Variants in CMIP observed in about 807,000 individuals in gnomAD.
CMIP encodes c-Maf inducing protein, also known as C-Maf-inducing protein.
Under a neutral mutation model 97.3 loss-of-function variants are expected in CMIP, and 13 were observed. That is an observed-to-expected ratio of 0.13 (90% CI 0.09 to 0.21). CMIP has a LOEUF of 0.21. Ranked by LOEUF, CMIP falls within the 10% of genes least tolerant of loss-of-function variation. CMIP has a pLI of 1.00. For missense variants in CMIP, 847 were observed against 1,024.9 expected (o/e 0.83, Z 2.37); for synonymous variants, 538 against 436.3 (o/e 1.23, Z -2.91).
At chr16:81,496,814 T>C (rs2089499532) in intron 1 of CMIP, among the ~76,000 whole-genome samples, 1 of 152,110 alleles carries the variant, frequency 6.6e-6, no homozygotes, top group Non-Finnish European at 1.5e-5. Flanking sequence ...ATGAGCAGAG[T>C]CTTACATTCT....
At chr16:81,509,883 T>C (rs749548204) in intron 1 of CMIP, among the ~76,000 whole-genome samples, 1 of 152,062 alleles carries the variant, frequency 6.6e-6, no homozygotes, top group Non-Finnish European at 1.5e-5. Context: ...CATGGAAGTG[T>C]GATGGATCTG....
chr16:81,647,174 T>C (rs536562990), intron 3 of CMIP, among the ~76,000 whole-genome samples: 78 of 152,328 alleles, frequency 5.1e-4, no homozygotes, highest in African/African-American at 1.9e-3. Context: ...CGTATCTCTT[T>C]ATGGTTTTAG....
intron 1 of CMIP, among the ~76,000 whole-genome samples, chr16:81,510,212 G>A (rs975727726): frequency 2.0e-5 from 3 of 152,146 alleles, no homozygotes; most frequent in Non-Finnish European, 4.4e-5. Flanking sequence ...TCTGATCGGG[G>A]ACGAGGGGGT....
chr16:81,460,924 G>A (rs1906861260), intron 1 of CMIP, among the ~76,000 whole-genome samples: 1 of 152,212 alleles, frequency 6.6e-6, no homozygotes, highest in Admixed American at 6.5e-5. Context: ...CCTGTTGTAT[G>A]TGATCGTTAT....
At chr16:81,560,344 C>T (rs13334258) in intron 1 of CMIP, among the ~76,000 whole-genome samples, 1 of 150,772 alleles carries the variant, frequency 6.6e-6, no homozygotes, top group Non-Finnish European at 1.5e-5. Context: ...TCAGCCTCCC[C>T]AGTAGCTGGG....
At chr16:81,496,957 G>A (rs1389219298) in intron 1 of CMIP, among the ~76,000 whole-genome samples, 3 of 152,260 alleles carry the variant, frequency 2.0e-5, no homozygotes, top group Non-Finnish European at 2.9e-5. Context: ...CTGGCTGGCT[G>A]GGGGGTTCAA....
chr16:81,601,746 C>T (rs912456565), intron 1 of CMIP, among the ~76,000 whole-genome samples: 4 of 152,238 alleles, frequency 2.6e-5, no homozygotes, highest in East Asian at 3.9e-4. Flanking sequence ...CAGCGTCCCC[C>T]GGGGCCAGAA....
At chr16:81,574,998 G>A (rs1567588578) in intron 1 of CMIP, among the ~76,000 whole-genome samples, 2 of 152,184 alleles carry the variant, frequency 1.3e-5, no homozygotes, top group Admixed American at 1.3e-4. Context: ...CCTGTAATGG[G>A]GATGGATACT....
chr16:81,524,463 G>A (rs2090089202), intron 1 of CMIP, among the ~76,000 whole-genome samples: 1 of 152,254 alleles, frequency 6.6e-6, no homozygotes, highest in African/African-American at 2.4e-5. Flanking sequence ...TCTGTAACGT[G>A]TTAGCCACAA....
intron 3 of CMIP, among the ~76,000 whole-genome samples, chr16:81,642,791 G>A (rs748093681): frequency 1.5e-4 from 23 of 152,180 alleles, no homozygotes; most frequent in Non-Finnish European, 2.8e-4. Flanking sequence ...AGCTACTCGG[G>A]AGGCGGAGGC....
intron 16 of CMIP, 49 bp downstream of exon 16, chr16:81,701,849 G>T (rs745552685): frequency 1.9e-6 from 3 of 1,609,272 alleles, no homozygotes; most frequent in Non-Finnish European, 8.5e-7. Context: ...CAGGCCAGGG[G>T]GGGCCAGGGC....
At chr16:81,639,066 G>C (rs991995282) in intron 3 of CMIP, among the ~76,000 whole-genome samples, 4 of 152,148 alleles carry the variant, frequency 2.6e-5, no homozygotes, top group African/African-American at 9.7e-5. Flanking sequence ...GTGTGGCTCA[G>C]TCCCTTCAAG....
intron 3 of CMIP, among the ~76,000 whole-genome samples, chr16:81,629,733 C>T (rs577074346): frequency 1.4e-4 from 22 of 152,224 alleles, no homozygotes; most frequent in Non-Finnish European, 2.8e-4. Flanking sequence ...GCAGCTCAGA[C>T]ATCCCAGTGC....
chr16:81,478,493 G>A (rs1268492485), intron 1 of CMIP, among the ~76,000 whole-genome samples: 1 of 152,188 alleles, frequency 6.6e-6, no homozygotes, highest in Non-Finnish European at 1.5e-5. Context: ...CAGTCAGGGA[G>A]GCCACCGAGT....
In CMIP at chr16:81,632,544, T is replaced by C. The variant is rs527548867; in HGVS notation, c.477+11618T>C. Among the ~76,000 whole-genome samples, 21 of 152,320 alleles carry C rather than the reference T, an allele frequency of 1.4e-4. No individual in the cohort carries two copies. In the South Asian group the frequency reaches 4.4e-3, roughly 32 times the overall value. On this transcript the variant is annotated intron_variant, in intron 3 of 20. Transcript: ENST00000537098. ...TTAAGGTGGATGGAACTTTAGATCC[T>C]TTAGGAAAATGCTGTCATCCACATA...
chr16:81,445,384 A>G lies in CMIP; in HGVS notation c.143A>G (p.Asn48Ser), dbSNP rs1165770738. 4.4e-6 allele frequency: 7 copies of G among 1,605,958 alleles called. No individual in the cohort carries two copies. The Admixed American group carries it at 5.1e-5, about 12-fold the overall frequency. Residue 48 changes from asparagine (N) to serine (S), a missense_variant, in exon 1 of 21, where the codon AAC becomes AGC. By Grantham distance (46) the Asn-to-Ser change is conservative (BLOSUM62 1). Around this residue, in one of 4 missense-constraint regions of CMIP, gnomAD observed 94 missense variants for 79.9 expected, o/e 1.18. Transcript: ENST00000537098. The stretch of plus-strand genomic sequence containing the variant: ...TGCCGCCGGGCTCTTCTGCTTTGCA[A>G]CGGGATGAGGTACAAACTGCTGCAG... Reference protein sequence around the residue: ...VPCRRALLLCNGMRYKLLQEG... With the variant: ...VPCRRALLLCSGMRYKLLQEG...
At chr16:81,709,485 G>T (rs1394405925) in intron 20 of CMIP, among the ~76,000 whole-genome samples, 1 of 152,188 alleles carries the variant, frequency 6.6e-6, no homozygotes, top group African/African-American at 2.4e-5. Context: ...GCTTCCACCT[G>T]CGAAGACAGA....
chr16:81,529,266 G>A (rs1157816051), intron 1 of CMIP, among the ~76,000 whole-genome samples: 1 of 152,140 alleles, frequency 6.6e-6, no homozygotes, highest in East Asian at 1.9e-4. Context: ...GGGCCCGTGA[G>A]GGAGGGTAAA....
At chr16:81,653,992 G>A (rs894196689) in intron 4 of CMIP, among the ~76,000 whole-genome samples, 4 of 152,160 alleles carry the variant, frequency 2.6e-5, no homozygotes. Flanking sequence ...CCCAACTCAC[G>A]TGGCAAGTTT....
Sources: gnomAD v4.1 joint callset for allele counts (sites outside exome capture counted in the v4.1 genomes callset) on GRCh38, gnomAD v4.1.1 for gene constraint, gnomAD v4.1.1 regional missense constraint, MANE v1.5 for transcripts, NCBI Gene and HGNC (gene_info 2026-07-23, HGNC 2026-07-21) for gene names.